TAFA2: variants seen among roughly 807,000 people sequenced by gnomAD.
The protein encoded by TAFA2 is chemokine-like protein TAFA-2.
TAFA2 carries 7 observed loss-of-function variants against 18.8 expected under a neutral mutation model. That is an observed-to-expected ratio of 0.37 (90% confidence interval 0.21 to 0.70). The LOEUF (loss-of-function observed/expected upper bound fraction) is 0.70, where lower values mean the gene tolerates loss of function less well. Ranked by LOEUF, TAFA2 falls within the 30% of genes least tolerant of loss-of-function variation. The pLI is 0.53. For missense variants in TAFA2, 122 were observed against 158.1 expected (o/e 0.77, Z 1.23); for synonymous variants, 60 against 54.2 (o/e 1.11, Z -0.47).
chr12:62,091,860 GT>G (rs886957826), intron 1 of TAFA2, among the ~76,000 whole-genome samples: 5 of 151,950 alleles, frequency 3.3e-5, no homozygotes, highest in African/African-American at 1.2e-4. Context: ...GCTATTAAGT[GT>G]TTTTAATAAG....
intron 1 of TAFA2, among the ~76,000 whole-genome samples, chr12:62,034,067 A>T (rs1474543350): frequency 6.6e-6 from 1 of 152,220 alleles, no homozygotes. Context: ...TGGGGGAAAA[A>T]GAGTGGAAGA....
intron 1 of TAFA2, among the ~76,000 whole-genome samples, chr12:62,102,044 C>A (rs545971764): frequency 1.3e-5 from 2 of 151,968 alleles, no homozygotes; most frequent in East Asian, 3.9e-4. Context: ...TAGGAGTTTG[C>A]CTAGTTAAGA....
chr12:62,066,512 C>T (rs967112365), intron 1 of TAFA2, among the ~76,000 whole-genome samples: 2 of 151,834 alleles, frequency 1.3e-5, no homozygotes, highest in African/African-American at 4.8e-5. Flanking sequence ...TCAATGAGTT[C>T]AATTATTTTC....
At chr12:61,831,859 C>T (rs550620741) in intron 2 of TAFA2, among the ~76,000 whole-genome samples, 7 of 152,162 alleles carry the variant, frequency 4.6e-5, no homozygotes, top group Admixed American at 4.6e-4. Flanking sequence ...CCTCCCGCTA[C>T]CCCACGACAG....
chr12:61,714,580 A>G (rs1462174467), intron 4 of TAFA2, among the ~76,000 whole-genome samples: 5 of 152,202 alleles, frequency 3.3e-5, no homozygotes, highest in Non-Finnish European at 2.9e-5. Flanking sequence ...AGTCTGTTCA[A>G]CAATTTAAAT....
chr12:62,015,114 C>T (rs759274400), intron 1 of TAFA2, among the ~76,000 whole-genome samples: 19 of 152,206 alleles, frequency 1.2e-4, no homozygotes, highest in Non-Finnish European at 2.5e-4. Flanking sequence ...TCTCCAACTT[C>T]CTGCAATTTA....
chr12:61,973,688 G>C (rs11174262), intron 1 of TAFA2, among the ~76,000 whole-genome samples: 1 of 151,620 alleles, frequency 6.6e-6, no homozygotes, highest in East Asian at 1.9e-4. Context: ...TGTTAACATA[G>C]AACTCCTTAA....
At chr12:61,963,510 G>A (rs1035527966) in intron 1 of TAFA2, among the ~76,000 whole-genome samples, 1 of 151,924 alleles carries the variant, frequency 6.6e-6, no homozygotes, top group African/African-American at 2.4e-5. Context: ...AGAAGTGTCT[G>A]TTCATATCCT....
chr12:62,166,364 T>C (rs1476604556), intron 1 of TAFA2, among the ~76,000 whole-genome samples: 2 of 152,170 alleles, frequency 1.3e-5, no homozygotes, highest in African/African-American at 2.4e-5. Context: ...CAAAATTACA[T>C]GTAGTTTTAG....
intron 1 of TAFA2, among the ~76,000 whole-genome samples, chr12:61,935,648 CT>C (rs568766925): frequency 6.6e-6 from 1 of 152,024 alleles, no homozygotes; most frequent in Non-Finnish European, 1.5e-5. Flanking sequence ...GTGAATATTT[CT>C]CATTTTTTGA....
At chr12:61,973,747 A>G (rs1209663709) in intron 1 of TAFA2, among the ~76,000 whole-genome samples, 2 of 151,688 alleles carry the variant, frequency 1.3e-5, no homozygotes, top group African/African-American at 4.8e-5. Context: ...ACTTAGCTAT[A>G]TATCAGAACC....
Position 61,849,528 on chromosome 12 carries a change from A to G in TAFA2, c.106+17792T>C, listed in dbSNP as rs17125419. 3.3e-3 allele frequency among the ~76,000 whole-genome samples: 500 copies of G among 152,342 alleles called. 1 individual carries two copies. The highest frequency in any genetic ancestry group is 0.012 in the African/African-American group (492 of 41,572). On this transcript the variant is annotated intron_variant, in intron 2 of 4. Coordinates refer to ENST00000416284, the MANE Select transcript of TAFA2 (RefSeq NM_178539.5). ...CAAATATCATGGCTAGACTTAAATCACTAAGTACATAACTTTCTATTACAC... is the reference window on the plus strand; with the variant it reads ...CAAATATCATGGCTAGACTTAAATCGCTAAGTACATAACTTTCTATTACAC...
intron 1 of TAFA2, among the ~76,000 whole-genome samples, chr12:62,142,306 G>A (rs746774140): frequency 6.6e-5 from 10 of 152,124 alleles, no homozygotes; most frequent in African/African-American, 1.9e-4. Context: ...TTGAATAAAC[G>A]AAAGTCATAA....
intron 1 of TAFA2, among the ~76,000 whole-genome samples, chr12:62,069,464 A>T (rs577394252): frequency 1.3e-5 from 2 of 152,260 alleles, no homozygotes; most frequent in East Asian, 3.9e-4. Context: ...TCCTGGATAG[A>T]TAGCTACTTT....
intron 1 of TAFA2, among the ~76,000 whole-genome samples, chr12:62,047,214 G>A (rs1320385261): frequency 6.6e-6 from 1 of 152,134 alleles, no homozygotes; most frequent in Non-Finnish European, 1.5e-5. Context: ...CTATGAGACA[G>A]AAATAAGGTA....
chr12:61,771,851 A>T (rs1870038050), intron 2 of TAFA2, among the ~76,000 whole-genome samples: 1 of 151,362 alleles, frequency 6.6e-6, no homozygotes, highest in Non-Finnish European at 1.5e-5. Flanking sequence ...CCAAAACCAA[A>T]CCCAACAGAA....
At chr12:61,842,192 G>GA (rs996495511) in intron 2 of TAFA2, among the ~76,000 whole-genome samples, 8 of 151,796 alleles carry the variant, frequency 5.3e-5, no homozygotes, top group African/African-American at 9.7e-5. Flanking sequence ...ATGCACACGG[G>GA]AAAAAATAGG....
chr12:62,085,223 C>T (rs1868403430), intron 1 of TAFA2, among the ~76,000 whole-genome samples: 1 of 152,160 alleles, frequency 6.6e-6, no homozygotes, highest in Non-Finnish European at 1.5e-5. Context: ...AGACATCTGA[C>T]ATAAAACCTA....
At chr12:61,785,319 T>TTG (rs57166010) in intron 2 of TAFA2, among the ~76,000 whole-genome samples, 3,417 of 140,114 alleles carry the variant, frequency 0.024, 33 homozygotes, top group South Asian at 0.037. Flanking sequence ...AATAGTATTC[T>TTG]TGTGTGTGTG....
Sources: allele counts gnomAD v4.1 joint callset (sites outside exome capture counted in the v4.1 genomes callset), GRCh38; gene constraint gnomAD v4.1.1; transcripts MANE v1.5; gene names NCBI Gene and HGNC (gene_info 2026-07-23, HGNC 2026-07-21).